PLAUR: variants seen among roughly 807,000 people sequenced by gnomAD.
PLAUR encodes plasminogen activator, urokinase receptor.
PLAUR carries 22 observed loss-of-function variants against 33.4 expected under a neutral mutation model. The observed-to-expected ratio is 0.66, with a 90% CI of 0.47 to 0.94. PLAUR has a LOEUF of 0.94. PLAUR is among the 40% of genes least tolerant of loss of function. The pLI is 0.00. For missense variants in PLAUR, 408 were observed against 434.7 expected, an observed-to-expected ratio of 0.94 and a Z score of 0.55; for synonymous variants, 148 against 167.3, an observed-to-expected ratio of 0.88 and a Z score of 0.89.
At chr19:43,667,802 C>T in intron 1 of PLAUR, 111 bp from the exon 2 acceptor site, 1 of 1,495,370 alleles carries the variant, frequency 6.7e-7, no homozygotes, top group South Asian at 1.3e-5. Flanking sequence ...CCCGTCCATT[C>T]AGATTCGTGT....
chr19:43,655,321 A>C, intron 5 of PLAUR, 118 bp downstream of exon 5: 1 of 914,686 alleles, frequency 1.1e-6, no homozygotes, highest in Non-Finnish European at 1.6e-6. Context: ...CCCATTTTTC[A>C]GAAAAGCAAA....
chr19:43,659,828 G>C (rs900152814), intron 3 of PLAUR, among the ~76,000 whole-genome samples: 1 of 152,128 alleles, frequency 6.6e-6, no homozygotes, highest in Admixed American at 6.6e-5. Context: ...TGCTGTTTCT[G>C]ACCTCTATCA....
At position 43,655,521 on chromosome 19, in the gene PLAUR, G is replaced by A. The variant is rs748419942; in HGVS notation, c.525C>T (p.Cys175=). The change falls in exon 5 of 7, where the codon TGC becomes TGT. Residue 175 remains cysteine (C), a synonymous_variant. Coordinates refer to ENST00000340093, the MANE Select transcript of PLAUR (RefSeq NM_002659.4). ...HLRGCGYLPG[C]PGSNGFHNND... is the part of the protein sequence containing the mutation. ...TGTTGTGGAAACCATTGGAGCCCGG[G>A]CAGCCGGGAAGGTAGCCACAGCCAC... is the stretch of plus-strand genomic sequence containing the variant. 4 of 1,614,192 alleles carry A rather than the reference G, an allele frequency of 2.5e-6. No individual in the cohort carries two copies. The highest frequency in any genetic ancestry group is 1.6e-4 in the Middle Eastern group (1 of 6,062).
At chr19:43,651,223 C>G (rs1177038526) in intron 6 of PLAUR, among the ~76,000 whole-genome samples, 5 of 151,116 alleles carry the variant, frequency 3.3e-5, no homozygotes, top group African/African-American at 1.2e-4. Context: ...GGATTATAGG[C>G]ATGTGCCACC....
At chr19:43,657,266 CTCATATCTGACCCTG>C (rs1255922464) in intron 3 of PLAUR, among the ~76,000 whole-genome samples, 1 of 152,046 alleles carries the variant, frequency 6.6e-6, no homozygotes, top group Admixed American at 6.6e-5. Context: ...ATTTCTAATA[CTCATATCTGACCCTG>C]TCTCTCCTCT....
At chr19:43,668,747 C>A (rs1282984388) in intron 1 of PLAUR, among the ~76,000 whole-genome samples, 2 of 151,452 alleles carry the variant, frequency 1.3e-5, no homozygotes, top group African/African-American at 4.9e-5. Flanking sequence ...GAGTCTAGTC[C>A]CACCTTCTAG....
At chr19:43,646,197 C>T (rs988252330), downstream of PLAUR, 14 of 322,234 alleles carry the variant, frequency 4.3e-5, no homozygotes, top group South Asian at 5.6e-4. Context: ...TCTCACCCTC[C>T]CAAAGTGCTA....
At chr19:43,661,572 T>C (rs1966998004) in intron 3 of PLAUR, 2 of 152,228 alleles carry the variant, frequency 1.3e-5, no homozygotes, top group Non-Finnish European at 2.9e-5. Flanking sequence ...AACTTTTGTA[T>C]TTTTAGTAGA....
chr19:43,668,166 A>C, intron 1 of PLAUR: 1 of 987,158 alleles, frequency 1.0e-6, no homozygotes. Context: ...CTATCCCTCC[A>C]CTCACTCCCC....
At chr19:43,652,411 G>A in intron 5 of PLAUR, 40 bp from the exon 6 acceptor site, 1 of 1,596,362 alleles carries the variant, frequency 6.3e-7, no homozygotes, top group East Asian at 2.2e-5. Context: ...AAGAAAATTA[G>A]TGCTTGGATC....
intron 2 of PLAUR, among the ~76,000 whole-genome samples, chr19:43,665,747 G>A (rs1284997558): frequency 2.1e-4 from 2 of 9,452 alleles, no homozygotes; most frequent in Non-Finnish European, 5.0e-4. Context: ...GCTCACTGGA[G>A]CCTTGACCTC....
At chr19:43,650,223 C>A (rs1375490055) in intron 6 of PLAUR, among the ~76,000 whole-genome samples, 1 of 151,546 alleles carries the variant, frequency 6.6e-6, no homozygotes, top group Non-Finnish European at 1.5e-5. Context: ...ATTGGCCAGG[C>A]TGGTCTCGAA....
chr19:43,660,426 G>C (rs1966926243), intron 3 of PLAUR: 1 of 151,198 alleles, frequency 6.6e-6, no homozygotes, highest in South Asian at 2.1e-4. Flanking sequence ...TCCCACCTCG[G>C]CCTCCCAAAG....
In PLAUR at chr19:43,667,568, G is replaced by T. The variant is rs754524056; in HGVS notation, c.166+13C>A. 7 of 1,586,998 alleles carry T rather than the reference G, an allele frequency of 4.4e-6. No homozygotes were observed. Among genetic ancestry groups the T allele is most frequent in the South Asian group, 2.2e-5 (2 of 90,554 alleles). Reference sequence around the variant, plus strand: ...CTGCGCTGGAGGGGTGTGTGGGTTGGGGGGAAGCTCACCTTCCCACAAGCG... The same window carrying T: ...CTGCGCTGGAGGGGTGTGTGGGTTGTGGGGAAGCTCACCTTCCCACAAGCG... On this transcript the variant is annotated intron_variant, in intron 2 of 6. Coordinates refer to ENST00000340093, the MANE Select transcript of PLAUR (RefSeq NM_002659.4).
At chr19:43,651,714 G>T in intron 6 of PLAUR, 4 of 735,088 alleles carry the variant, frequency 5.4e-6, no homozygotes, top group Non-Finnish European at 6.7e-6. Flanking sequence ...GCAATTACAG[G>T]CGTGAGCCAC....
chr19:43,653,807 C>T (rs1269965565), intron 5 of PLAUR, among the ~76,000 whole-genome samples: 1 of 151,850 alleles, frequency 6.6e-6, no homozygotes, highest in Non-Finnish European at 1.5e-5. Context: ...TAGTGAGACC[C>T]CATCTCTACA....
intron 6 of PLAUR, 85 bp downstream of exon 6, chr19:43,652,140 A>T: frequency 3.2e-6 from 5 of 1,576,056 alleles, no homozygotes; most frequent in Non-Finnish European, 3.5e-6. Context: ...CACCACAGTT[A>T]ACTCCAGCTT....
intron 5 of PLAUR, 89 bp from the exon 6 acceptor site, chr19:43,652,460 G>A (rs1045006477): frequency 7.0e-6 from 9 of 1,291,284 alleles, no homozygotes; most frequent in Non-Finnish European, 8.7e-6. Context: ...CTTCCACTCC[G>A]AGCCAGAGAT....
intron 4 of PLAUR, 34 bp from the exon 5 acceptor site, chr19:43,655,607 G>A (rs1364185291): frequency 1.3e-6 from 2 of 1,596,666 alleles, no homozygotes; most frequent in African/African-American, 2.7e-5. Context: ...TCAGATGTCA[G>A]ATTGTGAATG....
Sources: allele counts gnomAD v4.1 joint callset (sites outside exome capture counted in the v4.1 genomes callset), GRCh38; gene constraint gnomAD v4.1.1; transcripts MANE v1.5; gene names NCBI Gene and HGNC (gene_info 2026-07-23, HGNC 2026-07-21).